Variants in SHISA9 observed in about 807,000 individuals in gnomAD.
SHISA9 encodes shisa family member 9.
Under a neutral mutation model 38.0 loss-of-function variants are expected in SHISA9, and 13 were observed. The ratio of observed to expected loss-of-function variants is 0.34; its 90% confidence interval spans 0.22 to 0.54. SHISA9 has a LOEUF of 0.54. Ranked by LOEUF, SHISA9 falls within the 20% of genes least tolerant of loss-of-function variation. The pLI is 0.91. For synonymous variants in SHISA9, 275 were observed against 242.0 expected, an observed-to-expected ratio of 1.14 and a Z score of -1.27; for missense variants, 538 against 575.8, an observed-to-expected ratio of 0.93 and a Z score of 0.67.
At chr16:13,442,277 C>G in the SHISA9 span, among the ~76,000 whole-genome samples, 2 of 152,112 alleles carry the variant, frequency 1.3e-5, no homozygotes, top group Non-Finnish European at 2.9e-5. Flanking sequence ...ACAGAGACAC[C>G]TGAATCTTGA....
intron 2 of SHISA9, among the ~76,000 whole-genome samples, chr16:13,076,263 T>A (rs2073580871): frequency 6.6e-6 from 1 of 152,144 alleles, no homozygotes; most frequent in African/African-American, 2.4e-5. Flanking sequence ...ACTCCTGACC[T>A]CAGGCGATCT....
the SHISA9 span, among the ~76,000 whole-genome samples, chr16:13,523,734 T>C: frequency 1.1e-3 from 167 of 152,332 alleles, no homozygotes; most frequent in Non-Finnish European, 2.3e-3. Flanking sequence ...ACCACCCCCA[T>C]GATCCATGAT....
the SHISA9 span, among the ~76,000 whole-genome samples, chr16:13,389,568 A>G: frequency 9.9e-5 from 15 of 152,158 alleles, no homozygotes; most frequent in Admixed American, 2.0e-4. Flanking sequence ...TCACCTACTG[A>G]AGGATATAGA....
the SHISA9 span, among the ~76,000 whole-genome samples, chr16:13,313,772 A>G: frequency 9.8e-4 from 150 of 152,366 alleles, 1 homozygote; most frequent in Admixed American, 1.9e-3. Flanking sequence ...GCATAGGGAA[A>G]TGCCAAATTA....
intron 2 of SHISA9, among the ~76,000 whole-genome samples, chr16:13,105,071 A>C (rs891251891): frequency 6.6e-6 from 1 of 152,206 alleles, no homozygotes; most frequent in Admixed American, 6.5e-5. Context: ...TTTAACGTCA[A>C]GGAAATATAA....
At chr16:13,461,757 G>A in the SHISA9 span, among the ~76,000 whole-genome samples, 1 of 151,164 alleles carries the variant, frequency 6.6e-6, no homozygotes, top group Non-Finnish European at 1.5e-5. Flanking sequence ...GGGACCACAG[G>A]CGCCCGCCAC....
chr16:13,255,107 T>C, the SHISA9 span, among the ~76,000 whole-genome samples: 1 of 152,200 alleles, frequency 6.6e-6, no homozygotes, highest in Admixed American at 6.5e-5. Flanking sequence ...CTGATGCCTG[T>C]TACGTCCCCT....
chr16:13,414,646 C>CTTTTTTTTTTTTTTTTTTTTTTT, the SHISA9 span, among the ~76,000 whole-genome samples: 2 of 136,600 alleles, frequency 1.5e-5, no homozygotes, highest in Non-Finnish European at 3.1e-5. Context: ...TTCTTTCTTT[C>CTTTTTTTTTTTTTTTTTTTTTTT]TTTCTTTTTT....
intron 2 of SHISA9, among the ~76,000 whole-genome samples, chr16:12,954,187 A>C (rs746145231): frequency 1.3e-5 from 2 of 152,232 alleles, no homozygotes; most frequent in South Asian, 4.1e-4. Flanking sequence ...CAGGAAGGGC[A>C]TGGCTGAGCA....
the SHISA9 span, among the ~76,000 whole-genome samples, chr16:13,548,541 G>A: frequency 1.3e-5 from 2 of 152,030 alleles, no homozygotes; most frequent in Admixed American, 1.3e-4. Flanking sequence ...ATTAAAAAGG[G>A]GCAAAAGACC....
At chr16:13,449,705 T>C in the SHISA9 span, among the ~76,000 whole-genome samples, 15 of 152,212 alleles carry the variant, frequency 9.9e-5, no homozygotes, top group African/African-American at 3.4e-4. Context: ...GCAAACCCCA[T>C]TTCCATATGG....
the SHISA9 span, among the ~76,000 whole-genome samples, chr16:13,328,970 G>C: frequency 6.6e-6 from 1 of 152,122 alleles, no homozygotes; most frequent in Non-Finnish European, 1.5e-5. Context: ...AAGCGAGCTG[G>C]AAGCTTGCAC....
intron 1 of SHISA9, among the ~76,000 whole-genome samples, chr16:12,907,145 C>CCCTT (rs1324287304): frequency 1.5e-5 from 1 of 64,598 alleles, no homozygotes; most frequent in African/African-American, 5.0e-5. Flanking sequence ...TCCTTTCCCT[C>CCCTT]CCTCCCTCCC....
intron 1 of SHISA9, chr16:12,911,483 C>T (rs1000413634): frequency 2.8e-5 from 20 of 713,966 alleles, no homozygotes; most frequent in African/African-American, 7.7e-5. Context: ...ATGAAGCATA[C>T]GTAAGGACAG....
intron 2 of SHISA9, among the ~76,000 whole-genome samples, chr16:13,050,592 A>G (rs2073239951): frequency 6.6e-6 from 1 of 152,216 alleles, no homozygotes. Flanking sequence ...TCAGCCTCCC[A>G]AAGTGCTGGG....
chr16:13,504,301 A>G, the SHISA9 span, among the ~76,000 whole-genome samples: 2 of 152,150 alleles, frequency 1.3e-5, no homozygotes, highest in South Asian at 4.1e-4. Flanking sequence ...AGCAGAAAGT[A>G]TACACCATTT....
intron 2 of SHISA9, among the ~76,000 whole-genome samples, chr16:13,202,563 T>A (rs1312381658): frequency 1.2e-5 from 1 of 82,872 alleles, no homozygotes; most frequent in Non-Finnish European, 2.7e-5. Flanking sequence ...TGCTTTCCTT[T>A]AAAGCTTCCT....
intron 2 of SHISA9, among the ~76,000 whole-genome samples, chr16:13,130,331 A>G (rs2050295827): frequency 6.6e-6 from 1 of 152,202 alleles, no homozygotes; most frequent in African/African-American, 2.4e-5. Flanking sequence ...GAAATTTCAT[A>G]GCTCTCCCAA....
chr16:13,507,055 G>A, the SHISA9 span, among the ~76,000 whole-genome samples: 118 of 151,526 alleles, frequency 7.8e-4, no homozygotes, highest in Admixed American at 1.9e-3. Context: ...AACAACAACA[G>A]CAACAACCAC....
Sources: gnomAD v4.1 joint callset for allele counts (sites outside exome capture counted in the v4.1 genomes callset) on GRCh38, gnomAD v4.1.1 for gene constraint, MANE v1.5 for transcripts, NCBI Gene and HGNC (gene_info 2026-07-23, HGNC 2026-07-21) for gene names.